Variants in CCDC59 observed in about 807,000 individuals in gnomAD.
CCDC59 encodes coiled-coil domain containing 59, also known as thyroid transcription factor 1-associated protein 26.
A neutral mutation model predicts 30.5 loss-of-function variants in CCDC59; 27 were observed. The observed-to-expected ratio is 0.89, with a 90% CI of 0.65 to 1.22. The LOEUF is 1.22. CCDC59 is among the 50% of genes most tolerant of loss of function. CCDC59 has a pLI of 0.00. For missense variants in CCDC59, 362 were observed against 284.4 expected (o/e 1.27, Z -1.96); for synonymous variants, 125 against 100.9 (o/e 1.24, Z -1.43).
chr12:82,356,918 T>G (rs778715930), intron 2 of CCDC59, 42 bp downstream of exon 2: 1 of 1,461,506 alleles, frequency 6.8e-7, no homozygotes, highest in Non-Finnish European at 9.4e-7. Context: ...TTTTAAATAA[T>G]AAAACAACAC....
At chr12:82,356,408 G>T (rs146772220) in intron 2 of CCDC59, among the ~76,000 whole-genome samples, 1 of 152,044 alleles carries the variant, frequency 6.6e-6, no homozygotes, top group African/African-American at 2.4e-5. Context: ...ACATTAACTC[G>T]CTGAGTCTTC....
chr12:82,358,512 G>T, upstream of CCDC59: 1 of 1,597,744 alleles, frequency 6.3e-7, no homozygotes. Context: ...TTTGGGCCGA[G>T]CTGGCGCCTC....
At chr12:82,357,834 G>C (rs1881157137) in intron 1 of CCDC59, among the ~76,000 whole-genome samples, 1 of 152,190 alleles carries the variant, frequency 6.6e-6, no homozygotes, top group South Asian at 2.1e-4. Flanking sequence ...TAAAGCGAAG[G>C]CTGGAGGGCC....
chr12:82,353,518 G>C (rs1880895650), intron 3 of CCDC59, among the ~76,000 whole-genome samples: 1 of 152,090 alleles, frequency 6.6e-6, no homozygotes, highest in Non-Finnish European at 1.5e-5. Flanking sequence ...GAATTTTCAT[G>C]ATCACAAAGC....
chr12:82,353,764 TAC>T (rs1348314539), intron 3 of CCDC59, among the ~76,000 whole-genome samples: 1 of 152,096 alleles, frequency 6.6e-6, no homozygotes, highest in Non-Finnish European at 1.5e-5. Context: ...AATTCTTAAT[TAC>T]AGATATTCTA....
chr12:82,358,324 C>T lies in CCDC59; in HGVS notation c.53G>A (p.Arg18His), dbSNP rs1485654779. The part of the protein sequence containing the change: ...AKWRPGGIEA[R>H]GEGVSTVGYR... ...CCCGACAGTGGAAACCCCTTCACCACGCGCCTCAATACCACCAGGCCGCCA... is the reference window on the plus strand; with the variant it reads ...CCCGACAGTGGAAACCCCTTCACCATGCGCCTCAATACCACCAGGCCGCCA... The change falls in exon 1 of 4, where the codon CGT becomes CAT. Residue 18 changes from arginine to histidine, a missense_variant. By Grantham distance (29) the Arg-to-His change is conservative (BLOSUM62 0). Transcript: ENST00000256151. The T allele has an allele frequency of 2.5e-6, 4 of 1,614,118 alleles. No homozygotes were observed. The highest frequency in any genetic ancestry group is 2.2e-5 in the South Asian group (2 of 91,086).
upstream of CCDC59, chr12:82,358,651 A>G: frequency 6.2e-7 from 1 of 1,614,134 alleles, no homozygotes; most frequent in South Asian, 1.1e-5. Context: ...TTCCTGAGGG[A>G]TGCCCTGTCC....
Position 82,357,059 on chromosome 12 carries a change from G to A in CCDC59, c.365C>T (p.Pro122Leu), listed in dbSNP as rs747700830. ...DHPLSEQVHQ[P>L]LLEEQCSIDE... ...AATGCTACACTGTTCTTCAAGCAAC[G>A]GCTGGTGAACTTGTTCTGACAAAGG... The change falls in exon 2 of 4, where the codon CCG (proline) becomes CTG (leucine). Residue 122 changes from proline (P) to leucine (L), a missense_variant. Physicochemically the swap from Pro to Leu is moderately conservative, Grantham distance 98. Transcript: ENST00000256151. 2 of 1,614,132 alleles carry A rather than the reference G, an allele frequency of 1.2e-6. No individual in the cohort carries two copies. Among genetic ancestry groups the A allele is most frequent in the Non-Finnish European group, 1.7e-6 (2 of 1,179,992 alleles).
At chr12:82,353,742 T>G (rs1294425275) in intron 3 of CCDC59, among the ~76,000 whole-genome samples, 1 of 152,120 alleles carries the variant, frequency 6.6e-6, no homozygotes, top group African/African-American at 2.4e-5. Flanking sequence ...TGAAAACATT[T>G]TTGATGTTAA....
chr12:82,353,229 G>C lies in CCDC59; in HGVS notation c.648C>G (p.Asn216Lys). Residue 216 changes from asparagine to lysine, a missense_variant, in exon 4 of 4, where the codon AAC becomes AAG. Coordinates refer to ENST00000256151, the MANE Select transcript of CCDC59 (RefSeq NM_014167.5). Reference sequence around the variant, plus strand: ...TTGGTTGGCCCTTTTTAGTCTTTTTGTTCAGTATTTTAAACACTTCCATTT... The same window carrying C: ...TTGGTTGGCCCTTTTTAGTCTTTTTCTTCAGTATTTTAAACACTTCCATTT... ...KKKMEVFKIL[N>K]KKTKKGQPNL... 1 of 1,612,600 alleles carries C rather than the reference G, an allele frequency of 6.2e-7. No individual in the cohort carries two copies. The highest frequency in any genetic ancestry group is 8.5e-7 in the Non-Finnish European group (1 of 1,179,282).
intron 1 of CCDC59, among the ~76,000 whole-genome samples, chr12:82,357,892 GTCC>G (rs1881163950): frequency 6.6e-6 from 1 of 152,164 alleles, no homozygotes; most frequent in Non-Finnish European, 1.5e-5. Flanking sequence ...TTCTGGCCCT[GTCC>G]TCCTCTCTAT....
chr12:82,358,421 A>T (rs1163715273), upstream of CCDC59: 4 of 1,609,100 alleles, frequency 2.5e-6, no homozygotes, highest in Non-Finnish European at 2.5e-6. Context: ...ACGGACGCCC[A>T]CAAAATACGT....
At position 82,358,355 on chromosome 12, in the gene CCDC59, C is replaced by G. The variant is rs1474199837; in HGVS notation, c.22G>C (p.Ala8Pro). 1 of 1,613,594 alleles carries G rather than the reference C, an allele frequency of 6.2e-7. No homozygotes were observed. The highest frequency in any genetic ancestry group is 8.5e-7 in the Non-Finnish European group (1 of 1,180,024). Residue 8 changes from alanine to proline, a missense_variant, in exon 1 of 4, where the codon GCG becomes CCG. Physicochemically the swap from Ala to Pro is conservative, Grantham distance 27 (BLOSUM62 -1). Transcript: ENST00000256151. The part of the protein sequence containing the change: MAPVRRS[A>P]KWRPGGIEAR... The stretch of plus-strand genomic sequence containing the variant: ...TCAATACCACCAGGCCGCCACTTCG[C>G]GGACCGCCTCACCGGCGCCATTGCA...
upstream of CCDC59, chr12:82,358,601 C>T (rs201544105): frequency 1.4e-4 from 220 of 1,613,176 alleles, no homozygotes; most frequent in Admixed American, 2.5e-4. Context: ...TGACCCCGGA[C>T]CTGCCCACGC....
Position 82,352,940 on chromosome 12 carries a change from C to T in CCDC59, c.*211G>A. On this transcript the variant is annotated 3_prime_UTR_variant, in exon 4 of 4. Coordinates refer to ENST00000256151, the MANE Select transcript of CCDC59 (RefSeq NM_014167.5). ...AAAATAAGAGGTTCTTTCAGTTCTT[C>T]AGGCCAACCTTCCTTCAGAGGCAAA... 2.5e-6 allele frequency: 1 copy of T among 397,584 alleles called. No individual in the cohort carries two copies. Among genetic ancestry groups the T allele is most frequent in the Non-Finnish European group, 4.4e-6 (1 of 225,190 alleles). 24.6% of individuals were successfully genotyped at this position (397,584 alleles called of 1,614,324 possible).
At chr12:82,356,603 T>C (rs1000780656) in intron 2 of CCDC59, among the ~76,000 whole-genome samples, 4 of 152,166 alleles carry the variant, frequency 2.6e-5, no homozygotes, top group African/African-American at 9.7e-5. Context: ...ACATGTTGAG[T>C]CTGGCTCTAG....
chr12:82,354,452 A>G, intron 3 of CCDC59, 43 bp downstream of exon 3: 1 of 1,453,662 alleles, frequency 6.9e-7, no homozygotes, highest in South Asian at 1.3e-5. Context: ...TATTTAGGAT[A>G]AATAAGAAAA....
At chr12:82,358,765 C>T (rs767355719), upstream of CCDC59, 1 of 1,613,486 alleles carries the variant, frequency 6.2e-7, no homozygotes, top group African/African-American at 1.3e-5. Flanking sequence ...AAGTCAGCGT[C>T]GGAGACGGAG....
upstream of CCDC59, chr12:82,358,787 A>G (rs758762950): frequency 6.2e-7 from 1 of 1,613,582 alleles, no homozygotes; most frequent in Middle Eastern, 1.7e-4. Context: ...CCCTGCCCTC[A>G]GAGACGCGCC....
Sources: gnomAD v4.1 joint callset for allele counts (sites outside exome capture counted in the v4.1 genomes callset) on GRCh38, gnomAD v4.1.1 for gene constraint, MANE v1.5 for transcripts, NCBI Gene and HGNC (gene_info 2026-07-23, HGNC 2026-07-21) for gene names.